Variants in CNTNAP2 observed in about 807,000 individuals in gnomAD.
The protein encoded by CNTNAP2 is contactin-associated protein-like 2.
Under a neutral mutation model 155.2 loss-of-function variants are expected in CNTNAP2, and 98 were observed. The observed-to-expected ratio is 0.63, with a 90% CI of 0.54 to 0.75. The LOEUF (loss-of-function observed/expected upper bound fraction) is 0.75. CNTNAP2 is among the 30% of genes least tolerant of loss of function. The pLI is 0.00. For synonymous variants in CNTNAP2, 651 were observed against 631.2 expected (o/e 1.03, Z -0.47); for missense variants, 1,727 against 1,688.1 (o/e 1.02, Z -0.40).
In CNTNAP2 at chr7:146,721,889, A is replaced by ATATATATATTTTTTT; in HGVS notation, c.98-52381_98-52380insATATATATTTTTTTT. Among the ~76,000 whole-genome samples the ATATATATATTTTTTT allele has an allele frequency of 2.9e-5, 2 of 69,706 alleles. 1 individual carries two copies. The highest frequency in any genetic ancestry group is 3.8e-4 in the African/African-American group (2 of 5,256). 45.7% of individuals were successfully genotyped at this position (69,706 alleles called of 152,430 possible). On this transcript the variant is annotated intron_variant, in intron 1 of 23. Coordinates refer to ENST00000361727, the MANE Select transcript of CNTNAP2 (RefSeq NM_014141.6). ...TGTGTGTGTGTGTATATATATATAT[A>ATATATATATTTTTTT]TTTTTTTTTTTTTTTTTGAGATGGA...
In CNTNAP2 at chr7:147,380,955, C is replaced by T. The variant is rs551264371; in HGVS notation, c.1499-14654C>T. ...TAGACTTTCAAAATGACAATATAGA[C>T]GAGACTAAGAAATTATTTTCTGGGT... On this transcript the variant is annotated intron_variant, in intron 9 of 23. Coordinates refer to ENST00000361727, the MANE Select transcript of CNTNAP2 (RefSeq NM_014141.6). Among the ~76,000 whole-genome samples, 79 of 151,908 alleles carry T rather than the reference C, an allele frequency of 5.2e-4. No homozygotes were observed. The Middle Eastern group carries it at 0.01, about 20-fold the overall frequency.
At chr7:147,763,883 G>T (rs1401152183) in intron 13 of CNTNAP2, among the ~76,000 whole-genome samples, 1 of 152,172 alleles carries the variant, frequency 6.6e-6, no homozygotes, top group Non-Finnish European at 1.5e-5. Flanking sequence ...CAAGTATCTG[G>T]CATCCCTGCC....
rs150151826 is a variant in CNTNAP2, at chr7:148,044,281, G to C, written c.2383+66292G>C. Among the ~76,000 whole-genome samples the C allele has an allele frequency of 2.9e-3, 435 of 151,554 alleles. 2 individuals carry two copies. The highest frequency in any genetic ancestry group is 9.5e-3 in the African/African-American group (390 of 41,252). On this transcript the variant is annotated intron_variant, in intron 15 of 23. Coordinates refer to ENST00000361727, the MANE Select transcript of CNTNAP2 (RefSeq NM_014141.6). ...TCCGACCCAAGGGGGTTCCCGGGAC[G>C]TGGTTGTGGATGTTCAGTGTGCCTT...
At chr7:148,313,568 C>T (rs774372639) in intron 21 of CNTNAP2, among the ~76,000 whole-genome samples, 8 of 151,924 alleles carry the variant, frequency 5.3e-5, no homozygotes, top group Non-Finnish European at 8.8e-5. Flanking sequence ...GCAGTTCAGG[C>T]GTTTGGAGTT....
chr7:146,264,493 G>A (rs1799964783), intron 1 of CNTNAP2, among the ~76,000 whole-genome samples: 4 of 151,482 alleles, frequency 2.6e-5, no homozygotes. Context: ...GAAAAGAAAA[G>A]TAATCTATCC....
intron 1 of CNTNAP2, among the ~76,000 whole-genome samples, chr7:146,673,978 T>G (rs1178461852): frequency 6.6e-6 from 1 of 152,230 alleles, no homozygotes; most frequent in Non-Finnish European, 1.5e-5. Context: ...AAAACCTTTA[T>G]GTACTTACTG....
intron 1 of CNTNAP2, among the ~76,000 whole-genome samples, chr7:146,253,027 T>C (rs113610595): frequency 0.016 from 2,469 of 152,226 alleles, 31 homozygotes; most frequent in Middle Eastern, 0.041. Flanking sequence ...AAAAACAACT[T>C]TACCAAACTC....
intron 17 of CNTNAP2, among the ~76,000 whole-genome samples, chr7:148,166,416 G>T (rs1379608206): frequency 6.6e-6 from 1 of 151,996 alleles, no homozygotes; most frequent in African/African-American, 2.4e-5. Flanking sequence ...TGAATTAGTG[G>T]CCAGTCTCTT....
intron 3 of CNTNAP2, among the ~76,000 whole-genome samples, chr7:146,966,308 A>G (rs74883285): frequency 0.011 from 1,704 of 152,298 alleles, 35 homozygotes; most frequent in African/African-American, 0.039. Context: ...TCTGAGCCCA[A>G]AGGGTTATCA....
intron 3 of CNTNAP2, among the ~76,000 whole-genome samples, chr7:146,980,774 C>T (rs1798000962): frequency 6.6e-6 from 1 of 152,170 alleles, no homozygotes; most frequent in South Asian, 2.1e-4. Flanking sequence ...AAACACCTAC[C>T]ACCAGGCCCC....
intron 13 of CNTNAP2, among the ~76,000 whole-genome samples, chr7:147,728,276 A>G (rs549227707): frequency 6.6e-6 from 1 of 152,198 alleles, no homozygotes; most frequent in Admixed American, 6.5e-5. Flanking sequence ...ATAATGGTAA[A>G]TAAATAACTC....
chr7:147,138,459 C>T (rs558643210), intron 8 of CNTNAP2, among the ~76,000 whole-genome samples: 2 of 152,062 alleles, frequency 1.3e-5, no homozygotes, highest in South Asian at 2.1e-4. Context: ...AAGTAAAAGG[C>T]ATTTGAGTCA....
intron 1 of CNTNAP2, among the ~76,000 whole-genome samples, chr7:146,630,649 C>G (rs768786571): frequency 1.2e-4 from 18 of 151,950 alleles, no homozygotes; most frequent in Non-Finnish European, 2.2e-4. Context: ...CTGTTTTTTC[C>G]TGACTTTTTA....
intron 12 of CNTNAP2, among the ~76,000 whole-genome samples, chr7:147,602,312 T>A (rs1047999648): frequency 6.6e-6 from 1 of 151,974 alleles, no homozygotes; most frequent in African/African-American, 2.4e-5. Context: ...CCAAAGGCAA[T>A]CAATGAAACC....
At chr7:146,386,154 AC>A (rs1795456812) in intron 1 of CNTNAP2, among the ~76,000 whole-genome samples, 1 of 152,128 alleles carries the variant, frequency 6.6e-6, no homozygotes, top group Admixed American at 6.6e-5. Context: ...AAATATATTT[AC>A]TAGTATTTCT....
intron 2 of CNTNAP2, among the ~76,000 whole-genome samples, chr7:146,803,305 G>A (rs1486039815): frequency 6.6e-6 from 1 of 152,196 alleles, no homozygotes; most frequent in African/African-American, 2.4e-5. Context: ...CTGAGGAAAC[G>A]TTCATTGCAG....
At chr7:146,969,408 G>C (rs1248569113) in intron 3 of CNTNAP2, among the ~76,000 whole-genome samples, 4 of 152,124 alleles carry the variant, frequency 2.6e-5, no homozygotes, top group Admixed American at 6.6e-5. Context: ...GTTGACAGTG[G>C]GGTGTTAAAG....
At chr7:147,121,314 T>C in intron 6 of CNTNAP2, 151 bp downstream of exon 6, 1 of 703,074 alleles carries the variant, frequency 1.4e-6, no homozygotes, top group Non-Finnish European at 2.3e-6. Flanking sequence ...ACCTGATTAA[T>C]TCGTTTCATT....
rs140647413 is a variant in CNTNAP2, at chr7:147,028,240, A to G, written c.403-15667A>G. Among the ~76,000 whole-genome samples, 744 of 152,304 alleles carry G rather than the reference A, an allele frequency of 4.9e-3. 4 individuals are homozygous for G. The highest frequency in any genetic ancestry group is 7.1e-3 in the Non-Finnish European group (486 of 68,016). On this transcript the variant is annotated intron_variant, in intron 3 of 23. Transcript: ENST00000361727. ...AGATTTCACTTTATTAGTGCAGAAG[A>G]CTAATTGTAGCACAGTAGAAGAGAG...
Sources: gnomAD v4.1 joint callset for allele counts (sites outside exome capture counted in the v4.1 genomes callset) on GRCh38, gnomAD v4.1.1 for gene constraint, MANE v1.5 for transcripts, NCBI Gene and HGNC (gene_info 2026-07-23, HGNC 2026-07-21) for gene names.